The following PCP4 variants were observed in gnomAD, a reference collection of about 807,000 sequenced individuals.
PCP4 encodes the protein Purkinje cell protein 4, also known as calmodulin regulator protein PCP4.
A neutral mutation model predicts 10.0 loss-of-function variants in PCP4; 8 were observed. The ratio of observed to expected loss-of-function variants is 0.80; its 90% confidence interval spans 0.47 to 1.45. The LOEUF (loss-of-function observed/expected upper bound fraction) is 1.45, where lower values mean the gene tolerates loss of function less well. Among genes scored for constraint, PCP4 ranks in the 40% most tolerant of loss-of-function variants. PCP4 has a pLI of 0.00. For missense variants in PCP4, 54 were observed against 74.4 expected (o/e 0.73, Z 1.01); for synonymous variants, 21 against 23.0 (o/e 0.91, Z 0.24).
At chr21:39,912,327 T>TTTA (rs386365913) in intron 2 of PCP4, among the ~76,000 whole-genome samples, 2 of 150,198 alleles carry the variant, frequency 1.3e-5, no homozygotes. Flanking sequence ...TTTTTTTTTT[T>TTTA]AAAGTATTTC....
At chr21:39,924,708 C>T (rs938170284) in intron 2 of PCP4, among the ~76,000 whole-genome samples, 2 of 152,304 alleles carry the variant, frequency 1.3e-5, no homozygotes, top group African/African-American at 2.4e-5. Flanking sequence ...TTAGCTGCCA[C>T]CACTCCTGGC....
At chr21:39,925,227 A>G (rs2087614961) in intron 2 of PCP4, among the ~76,000 whole-genome samples, 1 of 152,150 alleles carries the variant, frequency 6.6e-6, no homozygotes, top group African/African-American at 2.4e-5. Context: ...GCTCCCAGCT[A>G]CATGCCTCCT....
intron 1 of PCP4, among the ~76,000 whole-genome samples, chr21:39,878,062 G>A (rs2087355009): frequency 6.6e-6 from 1 of 151,776 alleles, no homozygotes; most frequent in African/African-American, 2.4e-5. Context: ...CTATATCATT[G>A]AACTCCCATT....
At chr21:39,921,505 C>G (rs944145450) in intron 2 of PCP4, among the ~76,000 whole-genome samples, 6 of 152,222 alleles carry the variant, frequency 3.9e-5, no homozygotes, top group African/African-American at 1.4e-4. Context: ...AATTCTGATT[C>G]TCTATGATGC....
rs1363390773 is a variant in PCP4 at position 39,906,310 on chromosome 21, A to G, written c.61+7783A>G. Among the ~76,000 whole-genome samples the G allele has an allele frequency of 1.3e-5, 2 of 152,186 alleles. No individual in the cohort carries two copies. Among genetic ancestry groups the G allele is most frequent in the Non-Finnish European group, 2.9e-5 (2 of 68,036 alleles). ...ATGGGCTGTGGTCTAAGCCCCTGGA[A>G]CAGAATAAAGTTAATGGGCTACATC... is the stretch of plus-strand genomic sequence containing the variant. On this transcript the variant is annotated intron_variant, in intron 2 of 2. Coordinates refer to ENST00000328619, the MANE Select transcript of PCP4 (RefSeq NM_006198.3). The surrounding 1 kb of genome is among the most constrained non-coding windows in gnomAD (Gnocchi z 6.3).
At chr21:39,885,342 G>C (rs2087395245) in intron 1 of PCP4, among the ~76,000 whole-genome samples, 1 of 152,206 alleles carries the variant, frequency 6.6e-6, no homozygotes, top group African/African-American at 2.4e-5. Context: ...CAACGAGCCT[G>C]AGGCCTAGCC....
chr21:39,926,150 T>A (rs977772717), intron 2 of PCP4: 1 of 449,108 alleles, frequency 2.2e-6, no homozygotes, highest in African/African-American at 2.0e-5. Flanking sequence ...CCCCGGGAAC[T>A]GGACTCTCTG....
intron 2 of PCP4, among the ~76,000 whole-genome samples, chr21:39,904,536 T>C (rs2087497234): frequency 6.6e-6 from 1 of 152,208 alleles, no homozygotes; most frequent in Non-Finnish European, 1.5e-5. Context: ...CAGAGGATGC[T>C]GCCTGGCTGA....
At chr21:39,897,272 C>A (rs1454317570) in intron 1 of PCP4, among the ~76,000 whole-genome samples, 1 of 151,668 alleles carries the variant, frequency 6.6e-6, no homozygotes, top group African/African-American at 2.4e-5. Flanking sequence ...CCTGTAATCC[C>A]AGCTACTCTG....
At chr21:39,915,018 C>G (rs575899308) in intron 2 of PCP4, among the ~76,000 whole-genome samples, 2 of 152,258 alleles carry the variant, frequency 1.3e-5, no homozygotes, top group African/African-American at 4.8e-5. Context: ...TGAAATCTGA[C>G]TAGGGAGGTC....
At chr21:39,922,592 A>T (rs756730491) in intron 2 of PCP4, among the ~76,000 whole-genome samples, 2 of 152,028 alleles carry the variant, frequency 1.3e-5, no homozygotes, top group Non-Finnish European at 2.9e-5. Flanking sequence ...AGCCTCAGGG[A>T]GCATCATTTC....
Position 39,923,739 on chromosome 21 carries a change from T to C in PCP4, c.62-5245T>C, listed in dbSNP as rs532761113. Reference sequence around the variant, plus strand: ...AAAGTGGTAACATGACGGAAATGATTGTACTGCAATCTGGACATGACAATG... The same window carrying C: ...AAAGTGGTAACATGACGGAAATGATCGTACTGCAATCTGGACATGACAATG... On this transcript the variant is annotated intron_variant, in intron 2 of 2. Transcript: ENST00000328619. Among the ~76,000 whole-genome samples the C allele has an allele frequency of 2.6e-5, 4 of 152,312 alleles. No homozygotes were observed. In the East Asian group the frequency reaches 7.7e-4, roughly 29 times the overall value.
intron 1 of PCP4, among the ~76,000 whole-genome samples, chr21:39,881,663 A>C (rs975509335): frequency 6.6e-6 from 1 of 152,184 alleles, no homozygotes; most frequent in African/African-American, 2.4e-5. Flanking sequence ...CCTATTTTCA[A>C]ATGCAGAGTC....
intron 2 of PCP4, among the ~76,000 whole-genome samples, chr21:39,923,558 T>G (rs1413085512): frequency 6.6e-6 from 1 of 152,204 alleles, no homozygotes; most frequent in Non-Finnish European, 1.5e-5. Context: ...AAATGTAATT[T>G]AGTCTAAAAT....
intron 2 of PCP4, among the ~76,000 whole-genome samples, chr21:39,918,205 T>G (rs1432792886): frequency 6.6e-6 from 1 of 152,220 alleles, no homozygotes; most frequent in African/African-American, 2.4e-5. Flanking sequence ...CAATGATGAT[T>G]ATACCTTGTT....
At chr21:39,885,179 C>T (rs933640594) in intron 1 of PCP4, among the ~76,000 whole-genome samples, 5 of 152,188 alleles carry the variant, frequency 3.3e-5, no homozygotes, top group African/African-American at 1.2e-4. Context: ...TGATTCTGAA[C>T]AGCAGCCTTA....
chr21:39,893,946 C>T (rs574786804), intron 1 of PCP4, among the ~76,000 whole-genome samples: 66 of 152,214 alleles, frequency 4.3e-4, no homozygotes, highest in East Asian at 1.4e-3. Context: ...TGATTTCAGG[C>T]GGTTGAAGGA....
rs2087512896 is a variant in PCP4 at position 39,906,775 on chromosome 21, AAAGATCTTC to A, written c.61+8257_61+8265del. 6.6e-6 allele frequency among the ~76,000 whole-genome samples: 1 copy of A among 152,172 alleles called. No individual in the cohort carries two copies. Among genetic ancestry groups the A allele is most frequent in the African/African-American group, 2.4e-5 (1 of 41,440 alleles). ...ACATTATTCTCAATGAATTACTCTT[AAAGATCTTC>A]AAGATCTTGGCCATGAAGCAGCTTG... is the stretch of plus-strand genomic sequence containing the variant. On this transcript the variant is annotated intron_variant, in intron 2 of 2. Transcript: ENST00000328619. The surrounding 1 kb of genome is among the most constrained non-coding windows in gnomAD (Gnocchi z 6.3).
At chr21:39,888,910 T>A (rs1486190389) in intron 1 of PCP4, among the ~76,000 whole-genome samples, 1 of 152,230 alleles carries the variant, frequency 6.6e-6, no homozygotes, top group African/African-American at 2.4e-5. Context: ...GTACCTAATT[T>A]CTACGTTTCA....
Sources: allele counts gnomAD v4.1 joint callset (sites outside exome capture counted in the v4.1 genomes callset), GRCh38; gene constraint gnomAD v4.1.1; non-coding constraint Gnocchi (gnomAD v3.1); transcripts MANE v1.5; gene names NCBI Gene and HGNC (gene_info 2026-07-23, HGNC 2026-07-21).